Variants in RAD51B observed in about 807,000 individuals in gnomAD.
RAD51B encodes the protein DNA repair protein RAD51 homolog 2.
Under a neutral mutation model 42.2 loss-of-function variants are expected in RAD51B, and 38 were observed. That is an observed-to-expected ratio of 0.90 (90% confidence interval 0.70 to 1.18). RAD51B has a LOEUF of 1.18. RAD51B is among the 50% of genes most tolerant of loss of function. The pLI, the probability that RAD51B is intolerant of heterozygous loss-of-function variation, is 0.00. For missense variants in RAD51B, 373 were observed against 400.7 expected (o/e 0.93, Z 0.59); for synonymous variants, 154 against 145.2 (o/e 1.06, Z -0.43).
intron 10 of RAD51B, among the ~76,000 whole-genome samples, chr14:68,503,134 C>T (rs1461844368): frequency 6.6e-6 from 1 of 152,200 alleles, no homozygotes; most frequent in African/African-American, 2.4e-5. Context: ...AAAGCCACTT[C>T]CACTGTGTGC....
chr14:67,897,248 ACTATGCCAAACTTAAAAGCTTCTG>A (rs2043451946), intron 7 of RAD51B, among the ~76,000 whole-genome samples: 1 of 152,180 alleles, frequency 6.6e-6, no homozygotes, highest in Admixed American at 6.5e-5. Context: ...GACAAATGGA[ACTATGCCAAACTTAAAAGCTTCTG>A]CATAGCAAAG....
chr14:67,887,142 A>G lies in RAD51B; in HGVS notation c.694A>G (p.Asn232Asp), dbSNP rs1033414164. Residue 232 changes from asparagine (N) to aspartate (D), a missense_variant, in exon 7 of 11, where the codon AAC (asparagine) becomes GAC (aspartate). Asn to Asp is a conservative substitution (Grantham distance 23). Transcript: ENST00000471583. ...AQLQGNLKER[N>D]KFLAREASSL... ...ACTTCAAGGCAATCTCAAAGAAAGA[A>G]ACAAGTTCTTGGCAAGAGAGGCATC... is the stretch of plus-strand genomic sequence containing the variant. The G allele has an allele frequency of 6.2e-7, 1 of 1,612,342 alleles. No individual in the cohort carries two copies. Among genetic ancestry groups the G allele is most frequent in the Non-Finnish European group, 8.5e-7 (1 of 1,178,856 alleles).
intron 4 of RAD51B, among the ~76,000 whole-genome samples, chr14:67,835,439 TAGAA>T (rs2041204635): frequency 6.6e-6 from 1 of 152,074 alleles, no homozygotes; most frequent in African/African-American, 2.4e-5. Context: ...TGAGTTAACT[TAGAA>T]AGTGATAAAT....
At chr14:67,983,999 C>T (rs1302116597) in intron 7 of RAD51B, among the ~76,000 whole-genome samples, 3 of 150,880 alleles carry the variant, frequency 2.0e-5, no homozygotes, top group Non-Finnish European at 2.9e-5. Flanking sequence ...ATTGCAGTGG[C>T]GCGATCTTGG....
At position 67,911,645 on chromosome 14, in the gene RAD51B, T is replaced by A. The variant is rs115324607; in HGVS notation, c.756+24441T>A. ...TTTGATATGATTTTTTTCATTTTTTTAAATGGTTATTTTTAGATGAAACCT... is the reference window on the plus strand; with the variant it reads ...TTTGATATGATTTTTTTCATTTTTTAAAATGGTTATTTTTAGATGAAACCT... On this transcript the variant is annotated intron_variant, in intron 7 of 10. Coordinates refer to ENST00000471583, the MANE Select transcript of RAD51B (RefSeq NM_133510.4). Among the ~76,000 whole-genome samples, 790 of 152,310 alleles carry A rather than the reference T, an allele frequency of 5.2e-3. 7 individuals carry two copies. Among genetic ancestry groups the A allele is most frequent in the African/African-American group, 0.018 (735 of 41,566 alleles).
chr14:67,839,815 G>A (rs1594980243), intron 4 of RAD51B, among the ~76,000 whole-genome samples: 1 of 151,818 alleles, frequency 6.6e-6, no homozygotes, highest in East Asian at 1.9e-4. Flanking sequence ...TTTTAAGACT[G>A]AATTTTTCTT....
At chr14:68,153,342 A>AG (rs1294570145) in intron 7 of RAD51B, among the ~76,000 whole-genome samples, 1 of 152,208 alleles carries the variant, frequency 6.6e-6, no homozygotes, top group Non-Finnish European at 1.5e-5. Context: ...TATCCTTTCC[A>AG]GTGATCTTTC....
At chr14:68,642,048 A>C (rs562703471) in intron 10 of RAD51B, among the ~76,000 whole-genome samples, 1 of 152,282 alleles carries the variant, frequency 6.6e-6, no homozygotes, top group African/African-American at 2.4e-5. Flanking sequence ...GTAAGAGATA[A>C]TTGGTATGTA....
intron 7 of RAD51B, chr14:68,130,205 A>G (rs2077857457): frequency 6.6e-6 from 1 of 152,224 alleles, no homozygotes; most frequent in African/African-American, 2.4e-5. Context: ...TCTGGTCCAT[A>G]GAGGGTGCCT....
At chr14:67,900,598 TTGTGTGTGTG>T (rs142144274) in intron 7 of RAD51B, among the ~76,000 whole-genome samples, 2 of 142,236 alleles carry the variant, frequency 1.4e-5, no homozygotes, top group Non-Finnish European at 3.1e-5. Flanking sequence ...TTCTTTCAGT[TTGTGTGTGTG>T]TGTGTGTGTG....
intron 7 of RAD51B, among the ~76,000 whole-genome samples, chr14:68,069,975 A>C (rs1216784472): frequency 6.6e-6 from 1 of 152,140 alleles, no homozygotes; most frequent in Non-Finnish European, 1.5e-5. Context: ...AATAATGGCC[A>C]ATCTGACTGA....
chr14:68,604,538 G>A (rs914158761), intron 10 of RAD51B, among the ~76,000 whole-genome samples: 6 of 152,180 alleles, frequency 3.9e-5, no homozygotes, highest in Non-Finnish European at 8.8e-5. Context: ...GAGAGCAGGG[G>A]GCCAGCTCCA....
intron 7 of RAD51B, among the ~76,000 whole-genome samples, chr14:68,093,301 T>G (rs900137661): frequency 2.4e-4 from 37 of 152,364 alleles, no homozygotes; most frequent in Admixed American, 7.8e-4. Context: ...GTACCTCTGG[T>G]AGAATTCGGC....
At chr14:67,984,507 T>C (rs925695979) in intron 7 of RAD51B, among the ~76,000 whole-genome samples, 1 of 152,222 alleles carries the variant, frequency 6.6e-6, no homozygotes, top group African/African-American at 2.4e-5. Context: ...AGCTGTCCTT[T>C]AATCCTCTGT....
At chr14:68,017,559 A>C (rs557145836) in intron 7 of RAD51B, among the ~76,000 whole-genome samples, 1 of 152,282 alleles carries the variant, frequency 6.6e-6, no homozygotes, top group East Asian at 1.9e-4. Flanking sequence ...ATACCAATTG[A>C]ATTTGTTTTT....
chr14:68,279,944 C>T (rs1215954709), intron 7 of RAD51B, among the ~76,000 whole-genome samples: 1 of 152,196 alleles, frequency 6.6e-6, no homozygotes, highest in Non-Finnish European at 1.5e-5. Context: ...TTCCAGATCC[C>T]AGTGTTGTTT....
intron 7 of RAD51B, among the ~76,000 whole-genome samples, chr14:67,946,538 T>C (rs2045399737): frequency 6.6e-6 from 1 of 152,190 alleles, no homozygotes; most frequent in South Asian, 2.1e-4. Context: ...CAGCTGATTT[T>C]TGTATTTTTA....
At chr14:68,280,401 A>G (rs899158112) in intron 7 of RAD51B, among the ~76,000 whole-genome samples, 3 of 152,230 alleles carry the variant, frequency 2.0e-5, no homozygotes, top group Non-Finnish European at 4.4e-5. Flanking sequence ...GTGATAGACT[A>G]GAGAGCCAGG....
At chr14:68,013,606 TA>T (rs1184963640) in intron 7 of RAD51B, among the ~76,000 whole-genome samples, 10 of 152,370 alleles carry the variant, frequency 6.6e-5, no homozygotes, top group African/African-American at 2.4e-4. Flanking sequence ...AGTCTTATTT[TA>T]CAGATGAGGA....
Sources: gnomAD v4.1 joint callset for allele counts (sites outside exome capture counted in the v4.1 genomes callset) on GRCh38, gnomAD v4.1.1 for gene constraint, MANE v1.5 for transcripts, NCBI Gene and HGNC (gene_info 2026-07-23, HGNC 2026-07-21) for gene names.